MYO19: variants seen among roughly 807,000 people sequenced by gnomAD.
MYO19 encodes the protein myosin XIX.
Under a neutral mutation model 129.2 loss-of-function variants are expected in MYO19, and 132 were observed. The ratio of observed to expected loss-of-function variants is 1.02; its 90% CI spans 0.89 to 1.18. MYO19 has a LOEUF of 1.18. MYO19 is among the 50% of genes most tolerant of loss of function. MYO19 has a pLI of 0.00. For synonymous variants in MYO19, 531 were observed against 477.2 expected (o/e 1.11, Z -1.47); for missense variants, 1,210 against 1,216.7 (o/e 0.99, Z 0.08).
At position 36,513,772 on chromosome 17, in the gene MYO19, G is replaced by T. The variant is rs60673095; in HGVS notation, c.721-47C>A. The stretch of plus-strand genomic sequence containing the variant: ...AGGCTGGGTAGGGGGTCTGAGAAAA[G>T]CCCAGGCCTGCATAGGCAGGCATGG... On this transcript the variant is annotated intron_variant, in intron 9 of 25. Transcript: ENST00000614623. 6 of 1,543,526 alleles carry T rather than the reference G, an allele frequency of 3.9e-6. No individual in the cohort carries two copies. In the Admixed American group the frequency reaches 8.9e-5, roughly 23 times the overall value.
In MYO19 at chr17:36,514,497, A is replaced by T. The variant is rs759883702; in HGVS notation, c.669T>A (p.Thr223=). The T allele has an allele frequency of 2.5e-6, 4 of 1,613,662 alleles. No individual in the cohort carries two copies. The highest frequency in any genetic ancestry group is 3.4e-6 in the Non-Finnish European group (4 of 1,179,668). The change falls in exon 9 of 26, where the codon ACT becomes ACA. Residue 223 remains threonine, a synonymous_variant. Coordinates refer to ENST00000614623, the MANE Select transcript of MYO19 (RefSeq NM_001163735.2). ...AAVQTYLLEK[T]RVACQASSER... is the part of the protein sequence containing the mutation. ...CACTGGAAGCCTGGCAGGCCACTCG[A>T]GTTTTCTCTAGGAGGTAGGTCTGGA... is the stretch of plus-strand genomic sequence containing the variant.
chr17:36,541,616 G>A (rs1189718576), intron 2 of MYO19, among the ~76,000 whole-genome samples: 2 of 152,180 alleles, frequency 1.3e-5, no homozygotes, highest in East Asian at 3.8e-4. Context: ...TTAGGTACCA[G>A]CAAAATGTGT....
At chr17:36,508,830 C>T in intron 14 of MYO19, 1 of 555,688 alleles carries the variant, frequency 1.8e-6, no homozygotes, top group South Asian at 2.4e-5. Context: ...TCAGACAAGG[C>T]ACTGTTGAGC....
chr17:36,529,857 C>T (rs1414865878), intron 3 of MYO19, among the ~76,000 whole-genome samples: 1 of 152,182 alleles, frequency 6.6e-6, no homozygotes, highest in East Asian at 1.9e-4. Context: ...GACTCTATCT[C>T]TTACAGTTAT....
At chr17:36,524,360 T>G (rs2073332032) in intron 6 of MYO19, among the ~76,000 whole-genome samples, 1 of 152,212 alleles carries the variant, frequency 6.6e-6, no homozygotes, top group Non-Finnish European at 1.5e-5. Flanking sequence ...AAGTTCTCAG[T>G]GTTCAGCAAT....
intron 23 of MYO19, chr17:36,499,862 G>GTTT (rs34050029): frequency 3.9e-5 from 5 of 129,866 alleles, no homozygotes; most frequent in East Asian, 2.2e-4. Flanking sequence ...ATGTTTTGTT[G>GTTT]TTTTTTTTTT....
chr17:36,520,546 G>A (rs2073070482), intron 6 of MYO19, among the ~76,000 whole-genome samples: 1 of 151,746 alleles, frequency 6.6e-6, no homozygotes, highest in Non-Finnish European at 1.5e-5. Flanking sequence ...AATCTCTCCT[G>A]CCTCCCCTTC....
At chr17:36,506,644 G>A (rs762729871) in intron 17 of MYO19, 36 bp from the exon 18 acceptor site, 14 of 1,512,552 alleles carry the variant, frequency 9.3e-6, no homozygotes, top group South Asian at 1.3e-5. Flanking sequence ...GTGAGGGCAG[G>A]TGGAGCTTCT....
At chr17:36,497,284 C>T (rs189848835) in intron 25 of MYO19, among the ~76,000 whole-genome samples, 1 of 149,436 alleles carries the variant, frequency 6.7e-6, no homozygotes, top group Non-Finnish European at 1.5e-5. Context: ...TCCTGGGCGA[C>T]AGAGTGAGAC....
intron 6 of MYO19, among the ~76,000 whole-genome samples, chr17:36,522,140 C>G (rs566782107): frequency 2.6e-5 from 4 of 151,966 alleles, no homozygotes; most frequent in South Asian, 4.2e-4. Context: ...AAATATCCAT[C>G]AGATTTGAGG....
At chr17:36,538,806 T>G, upstream of MYO19, 2 of 553,024 alleles carry the variant, frequency 3.6e-6, no homozygotes, top group Non-Finnish European at 6.3e-6. Flanking sequence ...CAGGCTGGAG[T>G]GTAGTGGTGC....
chr17:36,535,401 A>G (rs958658854), upstream of MYO19: 2 of 152,298 alleles, frequency 1.3e-5, no homozygotes, highest in Non-Finnish European at 2.9e-5. Context: ...CCCACGGGAC[A>G]CTGGCACGAG....
chr17:36,537,437 C>T (rs750852262), upstream of MYO19: 1 of 1,614,118 alleles, frequency 6.2e-7, no homozygotes, highest in Non-Finnish European at 8.5e-7. Context: ...TCCTAAAAAT[C>T]CTTGAAAAAT....
intron 1 of MYO19, among the ~76,000 whole-genome samples, chr17:36,542,631 G>A (rs1188316583): frequency 2.6e-5 from 4 of 151,590 alleles, no homozygotes; most frequent in Non-Finnish European, 4.4e-5. Flanking sequence ...CCCGGGAGGC[G>A]GAGCTTGCAG....
At chr17:36,516,613 G>A (rs1194066928) in intron 6 of MYO19, among the ~76,000 whole-genome samples, 1 of 151,968 alleles carries the variant, frequency 6.6e-6, no homozygotes, top group African/African-American at 2.4e-5. Flanking sequence ...CTCGTAATCT[G>A]CCCACCTTGG....
chr17:36,531,394 CA>C (rs587678549), intron 3 of MYO19, among the ~76,000 whole-genome samples: 4,184 of 56,760 alleles, frequency 0.074, 70 homozygotes, highest in African/African-American at 0.15. Context: ...GACTCCATCT[CA>C]AAAAAAAAAA....
intron 12 of MYO19, 122 bp from the exon 13 acceptor site, chr17:36,511,039 G>A: frequency 8.5e-7 from 1 of 1,176,324 alleles, no homozygotes; most frequent in Non-Finnish European, 1.2e-6. Context: ...CCTAAGTTCT[G>A]ATCAGTGAAG....
At position 36,495,650 on chromosome 17, in the gene MYO19, T is replaced by C; in HGVS notation, c.*601A>G. 2 of 1,289,468 alleles carry C rather than the reference T, an allele frequency of 1.6e-6. No homozygotes were observed. Among genetic ancestry groups the C allele is most frequent in the Non-Finnish European group, 2.0e-6 (2 of 1,021,970 alleles). 79.9% of individuals were successfully genotyped at this position (1,289,468 alleles called of 1,614,324 possible). ...CATTCAGATGATTGTTTTTAAATGT[T>C]TTACTTTTGGTACAGTTGATAGACA... On this transcript the variant is annotated 3_prime_UTR_variant, in exon 26 of 26. Transcript: ENST00000614623.
upstream of MYO19, chr17:36,539,243 C>A (rs2074182518): frequency 6.0e-6 from 1 of 166,956 alleles, no homozygotes; most frequent in Non-Finnish European, 1.5e-5. Context: ...TGTATTTTTA[C>A]TGTATATTGC....
Sources: gnomAD v4.1 joint callset for allele counts (sites outside exome capture counted in the v4.1 genomes callset) on GRCh38, gnomAD v4.1.1 for gene constraint, MANE v1.5 for transcripts, NCBI Gene and HGNC (gene_info 2026-07-23, HGNC 2026-07-21) for gene names.